LRRN1: variants seen among roughly 807,000 people sequenced by gnomAD.
LRRN1 encodes leucine rich repeat neuronal 1.
LRRN1 carries 14 observed loss-of-function variants against 45.8 expected under a neutral mutation model. The observed-to-expected ratio is 0.31, with a 90% CI of 0.20 to 0.48. LRRN1 has a LOEUF of 0.48. LRRN1 is among the 20% of genes least tolerant of loss of function. The pLI, the probability that LRRN1 is intolerant of heterozygous loss-of-function variation, is 0.99. For missense variants in LRRN1, 789 were observed against 874.2 expected (o/e 0.90, Z 1.23); for synonymous variants, 359 against 330.1 (o/e 1.09, Z -0.95).
At chr3:3,815,178 TC>T (rs964925689) in intron 1 of LRRN1, among the ~76,000 whole-genome samples, 1 of 152,118 alleles carries the variant, frequency 6.6e-6, no homozygotes, top group Non-Finnish European at 1.5e-5. Flanking sequence ...TGTCCCCTAT[TC>T]CAAGTCTGCT....
chr3:3,844,136 A>G (rs1693704148), intron 1 of LRRN1, among the ~76,000 whole-genome samples: 1 of 152,166 alleles, frequency 6.6e-6, no homozygotes, highest in South Asian at 2.1e-4. Flanking sequence ...ATGGAATCTC[A>G]ATTTAATTGT....
At chr3:3,804,082 A>T (rs1692707810) in intron 1 of LRRN1, 2 of 152,232 alleles carry the variant, frequency 1.3e-5, no homozygotes, top group Admixed American at 6.5e-5. Flanking sequence ...ACAATATGCA[A>T]GCTTTACTAC....
At position 3,847,683 on chromosome 3, in the gene LRRN1, A is replaced by AT. The variant is rs1443349428; in HGVS notation, c.*892dup. On this transcript the variant is annotated 3_prime_UTR_variant, in exon 2 of 2. Transcript: ENST00000319331. ...TGCAGTGGTAATATTTTTCACATCC[A>AT]TAAAAACAACTACCAAAATAAATCA... 1 of 166,866 alleles carries AT rather than the reference A, an allele frequency of 6.0e-6. No homozygotes were observed. The highest frequency in any genetic ancestry group is 2.4e-5 in the African/African-American group (1 of 41,460). The allele number at this position is 166,866 out of a possible 1,614,324, so 10.3% of individuals were successfully genotyped here.
In LRRN1 at chr3:3,848,962, G is replaced by A. The variant is rs900907239; in HGVS notation, c.*2170G>A. Among the ~76,000 whole-genome samples, 1 of 152,226 alleles carries A rather than the reference G, an allele frequency of 6.6e-6. No homozygotes were observed. Among genetic ancestry groups the A allele is most frequent in the Non-Finnish European group, 1.5e-5 (1 of 68,040 alleles). On this transcript the variant is annotated 3_prime_UTR_variant, in exon 2 of 2. Coordinates refer to ENST00000319331, the MANE Select transcript of LRRN1 (RefSeq NM_020873.7). ...CTCTACTGTTAGTATTGCAAAGTATGTATGGGAAACACAGAGAATTGGAGC... is the reference window on the plus strand; with the variant it reads ...CTCTACTGTTAGTATTGCAAAGTATATATGGGAAACACAGAGAATTGGAGC...
chr3:3,843,542 T>C (rs1693689644), intron 1 of LRRN1, among the ~76,000 whole-genome samples: 2 of 151,516 alleles, frequency 1.3e-5, no homozygotes, highest in Admixed American at 6.6e-5. Flanking sequence ...AAAGATACTT[T>C]GTAGCCTTTA....
At position 3,834,529 on chromosome 3, in the gene LRRN1, TATATATATATATATATATATATATG is replaced by T. The variant is rs1221906071; in HGVS notation, c.-278-9824_-278-9800del. On this transcript the variant is annotated intron_variant, in intron 1 of 1. Transcript: ENST00000319331. ...TCTCTTAGAGGGACAGAACAGGATA[TATATATATATATATATATATATATG>T]ATATATATATTATTATACATATTAT... Among the ~76,000 whole-genome samples, 424 of 97,076 alleles carry T rather than the reference TATATATATATATATATATATATATG, an allele frequency of 4.4e-3. 13 individuals are homozygous for T. Among genetic ancestry groups the T allele is most frequent in the Non-Finnish European group, 7.0e-3 (332 of 47,106 alleles). 63.7% of individuals were successfully genotyped at this position (97,076 alleles called of 152,430 possible).
chr3:3,839,858 A>G (rs972235613), intron 1 of LRRN1, among the ~76,000 whole-genome samples: 1 of 152,036 alleles, frequency 6.6e-6, no homozygotes, highest in African/African-American at 2.4e-5. Context: ...AACATCATTT[A>G]TTAGTTTTAG....
chr3:3,844,841 C>T lies in LRRN1; in HGVS notation c.200C>T (p.Pro67Leu), dbSNP rs1489795033. ...AATGACCTCCGCTTAACAAGGATTC[C>T]CAGTAACCTCTCTAGTGACACACAA... ...DCNDLRLTRI[P>L]SNLSSDTQVL... is the part of the protein sequence containing the mutation. The change falls in exon 2 of 2, where the codon CCC becomes CTC. Residue 67 changes from proline to leucine, a missense_variant. Physicochemically the swap from Pro to Leu is moderately conservative, Grantham distance 98. Transcript: ENST00000319331. 5.6e-6 allele frequency: 9 copies of T among 1,614,052 alleles called. No individual in the cohort carries two copies. Among genetic ancestry groups the T allele is most frequent in the Non-Finnish European group, 6.8e-6 (8 of 1,180,036 alleles).
chr3:3,840,626 T>G (rs1693630863), intron 1 of LRRN1, among the ~76,000 whole-genome samples: 2 of 152,202 alleles, frequency 1.3e-5, no homozygotes, highest in Non-Finnish European at 2.9e-5. Flanking sequence ...GGATGTTTAA[T>G]TCCTTGCTGC....
In LRRN1 at chr3:3,847,256, A is replaced by G. The variant is rs1485351280; in HGVS notation, c.*464A>G. On this transcript the variant is annotated 3_prime_UTR_variant, in exon 2 of 2. Transcript: ENST00000319331. ...ACTTTTGTAGCAATCTGGTCTATAG[A>G]CTTTTAACTCAAGAAGCTAAGGCTA... 1.2e-5 allele frequency: 2 copies of G among 167,670 alleles called. No individual in the cohort carries two copies. Among genetic ancestry groups the G allele is most frequent in the Non-Finnish European group, 2.9e-5 (2 of 68,656 alleles). The allele number at this position is 167,670 out of a possible 1,614,324, so 10.4% of individuals were successfully genotyped here.
Position 3,846,378 on chromosome 3 carries a change from T to G in LRRN1, c.1737T>G (p.His579Gln). The change falls in exon 2 of 2, where the codon CAT becomes CAG. Residue 579 changes from histidine (H) to glutamine (Q), a missense_variant. By Grantham distance (24) the His-to-Gln change is conservative. Transcript: ENST00000319331. The surrounding 1 kb of genome is among the most constrained non-coding windows in gnomAD (Gnocchi z 5.7). ...TYTARVPVDV[H>Q]EYNLTHLQPS... ...CTGCCAGGGTCCCAGTCGATGTCCA[T>G]GAATACAACCTAACGCATCTGCAGC... The G allele has an allele frequency of 6.2e-7, 1 of 1,613,890 alleles. No homozygotes were observed. Among genetic ancestry groups the G allele is most frequent in the Non-Finnish European group, 8.5e-7 (1 of 1,180,016 alleles).
At chr3:3,829,242 CCTT>C (rs1377126791) in intron 1 of LRRN1, among the ~76,000 whole-genome samples, 3 of 152,102 alleles carry the variant, frequency 2.0e-5, no homozygotes, top group Non-Finnish European at 4.4e-5. Context: ...ACTGTAACTC[CCTT>C]CTTAGCCTGT....
chr3:3,840,293 A>G (rs77471644), intron 1 of LRRN1, among the ~76,000 whole-genome samples: 17,504 of 152,222 alleles, frequency 0.11, 1,213 homozygotes, highest in Middle Eastern at 0.2. Context: ...TTTTTCACAT[A>G]TGGAACCTTC....
intron 1 of LRRN1, among the ~76,000 whole-genome samples, chr3:3,819,113 A>G (rs933094006): frequency 1.3e-5 from 2 of 151,780 alleles, no homozygotes; most frequent in Admixed American, 1.3e-4. Flanking sequence ...TCAGCCTCCT[A>G]AGTAGGTAGG....
intron 1 of LRRN1, among the ~76,000 whole-genome samples, chr3:3,819,690 C>T (rs887458080): frequency 4.6e-5 from 7 of 152,142 alleles, no homozygotes; most frequent in South Asian, 2.1e-4. Flanking sequence ...CTCATCTAAA[C>T]GAATTGTATC....
At chr3:3,825,526 A>G (rs967280929) in intron 1 of LRRN1, among the ~76,000 whole-genome samples, 19 of 152,336 alleles carry the variant, frequency 1.2e-4, no homozygotes, top group African/African-American at 4.1e-4. Context: ...AGAAAAGGAA[A>G]AGAAAATTAG....
intron 1 of LRRN1, among the ~76,000 whole-genome samples, chr3:3,831,447 C>T (rs1422543180): frequency 6.6e-6 from 1 of 152,238 alleles, no homozygotes; most frequent in African/African-American, 2.4e-5. Context: ...TGGATCCAAT[C>T]AGCATACTGT....
At chr3:3,841,462 G>T (rs1366121393) in intron 1 of LRRN1, among the ~76,000 whole-genome samples, 1 of 152,086 alleles carries the variant, frequency 6.6e-6, no homozygotes, top group Non-Finnish European at 1.5e-5. Flanking sequence ...ACAGAAACAA[G>T]AGTGAAATAA....
intron 1 of LRRN1, among the ~76,000 whole-genome samples, chr3:3,805,575 G>A (rs989935056): frequency 5.3e-5 from 8 of 152,184 alleles, no homozygotes; most frequent in Middle Eastern, 3.2e-3. Context: ...AATATCACCA[G>A]TGCGAATAAT....
Sources: allele counts gnomAD v4.1 joint callset (sites outside exome capture counted in the v4.1 genomes callset), GRCh38; gene constraint gnomAD v4.1.1; non-coding constraint Gnocchi (gnomAD v3.1); transcripts MANE v1.5; gene names NCBI Gene and HGNC (gene_info 2026-07-23, HGNC 2026-07-21).